The following ITGB8 variants were observed in gnomAD, a reference collection of about 807,000 sequenced individuals.
The protein encoded by ITGB8 is integrin beta-8.
ITGB8 carries 30 observed loss-of-function variants against 89.5 expected under a neutral mutation model. The observed-to-expected ratio is 0.34, with a 90% CI of 0.25 to 0.45. ITGB8 has a LOEUF of 0.45. Ranked by LOEUF, ITGB8 falls within the 20% of genes least tolerant of loss-of-function variation. ITGB8 has a pLI of 1.00. For synonymous variants in ITGB8, 335 were observed against 320.4 expected (o/e 1.05, Z -0.49); for missense variants, 836 against 933.3 (o/e 0.90, Z 1.36).
intron 1 of ITGB8, among the ~76,000 whole-genome samples, chr7:20,332,244 GC>G (rs1355298575): frequency 2.6e-5 from 4 of 152,144 alleles, no homozygotes; most frequent in Non-Finnish European, 5.9e-5. Context: ...TCATTTAGGG[GC>G]CCTGGTCCAT....
At chr7:20,369,251 G>T (rs10239099) in intron 3 of ITGB8, among the ~76,000 whole-genome samples, 1 of 151,898 alleles carries the variant, frequency 6.6e-6, no homozygotes, top group Non-Finnish European at 1.5e-5. Flanking sequence ...ATAATAAACA[G>T]TCTCTTAGTC....
At chr7:20,355,398 T>A (rs1349770781) in intron 1 of ITGB8, among the ~76,000 whole-genome samples, 1 of 152,232 alleles carries the variant, frequency 6.6e-6, no homozygotes, top group Non-Finnish European at 1.5e-5. Flanking sequence ...CTCAGGGGAA[T>A]TAAAACAATT....
Position 20,410,115 on chromosome 7 carries a change from T to A in ITGB8, c.*118T>A. ...GCTCACGGTCATGCCAGTTGCTGGT[T>A]GTACACTCGAACGAAGACTGACAAG... is the stretch of plus-strand genomic sequence containing the variant. On this transcript the variant is annotated 3_prime_UTR_variant, in exon 14 of 14. Coordinates refer to ENST00000222573, the MANE Select transcript of ITGB8 (RefSeq NM_002214.3). 2.0e-6 allele frequency: 2 copies of A among 994,696 alleles called. No homozygotes were observed. Among genetic ancestry groups the A allele is most frequent in the Non-Finnish European group, 3.0e-6 (2 of 667,254 alleles). The allele number at this position is 994,696 out of a possible 1,614,324, so 61.6% of individuals were successfully genotyped here. A position where few individuals can be genotyped will look rare whatever the true frequency, so the allele number is the denominator to read the frequency against.
At chr7:20,369,421 G>A (rs1303821973) in intron 3 of ITGB8, among the ~76,000 whole-genome samples, 1 of 152,158 alleles carries the variant, frequency 6.6e-6, no homozygotes, top group African/African-American at 2.4e-5. Context: ...ACACAGGGCA[G>A]AGAGAAAGTG....
Position 20,372,999 on chromosome 7 carries a change from G to A in ITGB8, c.388+5813G>A, listed in dbSNP as rs1785995601. On this transcript the variant is annotated intron_variant, in intron 3 of 13. Coordinates refer to ENST00000222573, the MANE Select transcript of ITGB8 (RefSeq NM_002214.3). ...GATGTGAAAGTCCTTTTCACCATGA[G>A]ATGAATCAGAATCAAGGGCTTGATA... Among the ~76,000 whole-genome samples, 3 of 152,156 alleles carry A rather than the reference G, an allele frequency of 2.0e-5. No homozygotes were observed. The South Asian group carries it at 6.2e-4, about 32-fold the overall frequency.
Position 20,410,023 on chromosome 7 carries a change from G to A in ITGB8, c.*26G>A, listed in dbSNP as rs1017463178. On this transcript the variant is annotated 3_prime_UTR_variant, in exon 14 of 14. Coordinates refer to ENST00000222573, the MANE Select transcript of ITGB8 (RefSeq NM_002214.3). ...AAAAAGATTTTTAAACACTTAATGG[G>A]AAACTGGAATTGTTAATAATTGCTC... The A allele has an allele frequency of 1.9e-5, 31 of 1,594,372 alleles. No homozygotes were observed. The highest frequency in any genetic ancestry group is 2.6e-5 in the Non-Finnish European group (30 of 1,171,370).
rs373028872 is a variant in ITGB8, at chr7:20,413,632, T to C, written c.*3635T>C. ...AACTGAATTTAATGGTATAATGAAGTTCTTCATTTCCAGACATCTTTAATT... is the reference window on the plus strand; with the variant it reads ...AACTGAATTTAATGGTATAATGAAGCTCTTCATTTCCAGACATCTTTAATT... On this transcript the variant is annotated 3_prime_UTR_variant, in exon 14 of 14. Transcript: ENST00000222573. 5 of 152,096 alleles carry C rather than the reference T, an allele frequency of 3.3e-5. No individual in the cohort carries two copies. The highest frequency in any genetic ancestry group is 7.2e-5 in the African/African-American group (3 of 41,442). The allele number at this position is 152,096 out of a possible 1,614,324, so 9.4% of individuals were successfully genotyped here. A position where few individuals can be genotyped will look rare whatever the true frequency, so the allele number is the denominator to read the frequency against.
Position 20,356,131 on chromosome 7 carries a change from G to A in ITGB8, c.128-7506G>A, listed in dbSNP as rs137948326. On this transcript the variant is annotated intron_variant, in intron 1 of 13. Coordinates refer to ENST00000222573, the MANE Select transcript of ITGB8 (RefSeq NM_002214.3). ...CTCACGCCCATTTACTTAATCCCTC[G>A]TAACATTTAACTGACTTTTGTTTTG... Among the ~76,000 whole-genome samples, 652 of 151,950 alleles carry A rather than the reference G, an allele frequency of 4.3e-3. 5 individuals are homozygous for A. The highest frequency in any genetic ancestry group is 0.015 in the African/African-American group (603 of 41,396).
intron 3 of ITGB8, among the ~76,000 whole-genome samples, chr7:20,376,557 C>T (rs545504771): frequency 2.2e-4 from 33 of 152,128 alleles, no homozygotes; most frequent in Non-Finnish European, 4.1e-4. Flanking sequence ...AGAGTCTTCT[C>T]CTTTATTTAT....
intron 1 of ITGB8, among the ~76,000 whole-genome samples, chr7:20,345,880 C>A (rs1326849889): frequency 6.6e-6 from 1 of 152,064 alleles, no homozygotes; most frequent in Non-Finnish European, 1.5e-5. Flanking sequence ...GCTGATGCAT[C>A]TTGTATTGCA....
chr7:20,329,856 C>A (rs1034414045), upstream of ITGB8: 4 of 152,144 alleles, frequency 2.6e-5, no homozygotes, highest in Non-Finnish European at 5.9e-5. Flanking sequence ...GGACTGAGTT[C>A]CCTCCCTCGA....
rs1337829729 is a variant in ITGB8 at position 20,410,783 on chromosome 7, A to G, written c.*786A>G. 1.3e-5 allele frequency: 2 copies of G among 152,666 alleles called. No homozygotes were observed. The highest frequency in any genetic ancestry group is 2.9e-5 in the Non-Finnish European group (2 of 68,036). 9.5% of individuals were successfully genotyped at this position (152,666 alleles called of 1,614,324 possible). A position where few individuals can be genotyped will look rare whatever the true frequency, so the allele number is the denominator to read the frequency against. Reference sequence around the variant, plus strand: ...CACTTTATCAGAATACTAGTTTTAAAAGCTGAATGTTAATAGGGGACACTG... The same window carrying G: ...CACTTTATCAGAATACTAGTTTTAAGAGCTGAATGTTAATAGGGGACACTG... On this transcript the variant is annotated 3_prime_UTR_variant, in exon 14 of 14. Transcript: ENST00000222573.
intron 2 of ITGB8, chr7:20,366,468 A>G (rs2127946612): frequency 6.6e-6 from 1 of 152,392 alleles, no homozygotes; most frequent in East Asian, 1.9e-4. Flanking sequence ...ATAACAACCA[A>G]TAAAAAGCCA....
At chr7:20,374,804 T>C (rs1786070211) in intron 3 of ITGB8, among the ~76,000 whole-genome samples, 1 of 152,212 alleles carries the variant, frequency 6.6e-6, no homozygotes, top group Non-Finnish European at 1.5e-5. Flanking sequence ...ATGTAGGAAC[T>C]TCGATCTGAC....
At chr7:20,357,453 T>C (rs1200023906) in intron 1 of ITGB8, among the ~76,000 whole-genome samples, 1 of 152,220 alleles carries the variant, frequency 6.6e-6, no homozygotes, top group Non-Finnish European at 1.5e-5. Context: ...TTTTTGAACA[T>C]AGAGATTAAT....
intron 1 of ITGB8, among the ~76,000 whole-genome samples, chr7:20,357,108 A>C (rs548321386): frequency 1.0e-3 from 154 of 152,280 alleles, no homozygotes; most frequent in Non-Finnish European, 1.9e-3. Context: ...ATAACCATTT[A>C]ATTCTGGGAA....
rs148192509 is a variant in ITGB8, at chr7:20,386,108, T to C, written c.960+4223T>C. 9.9e-4 allele frequency among the ~76,000 whole-genome samples: 151 copies of C among 152,362 alleles called. 1 individual carries two copies. Among genetic ancestry groups the C allele is most frequent in the African/African-American group, 3.6e-3 (148 of 41,596 alleles). ...CACTTATTTTGTGCCAGGTATGGAATACAACTAGAAAGTTTTAAGTCCATG... is the reference window on the plus strand; with the variant it reads ...CACTTATTTTGTGCCAGGTATGGAACACAACTAGAAAGTTTTAAGTCCATG... On this transcript the variant is annotated intron_variant, in intron 6 of 13. Coordinates refer to ENST00000222573, the MANE Select transcript of ITGB8 (RefSeq NM_002214.3).
intron 12 of ITGB8, among the ~76,000 whole-genome samples, chr7:20,408,374 T>TCC (rs1787630253): frequency 8.4e-6 from 1 of 119,352 alleles, no homozygotes. Flanking sequence ...AAGTACCTTA[T>TCC]CACAAAAAAA....
chr7:20,380,489 T>C (rs1320895594), intron 4 of ITGB8, 177 bp from the exon 5 acceptor site: 3 of 558,644 alleles, frequency 5.4e-6, no homozygotes, highest in African/African-American at 1.9e-5. Flanking sequence ...TGCAAAGAAA[T>C]TGTCATCAGC....
Sources: gnomAD v4.1 joint callset for allele counts (sites outside exome capture counted in the v4.1 genomes callset) on GRCh38, gnomAD v4.1.1 for gene constraint, MANE v1.5 for transcripts, NCBI Gene and HGNC (gene_info 2026-07-23, HGNC 2026-07-21) for gene names.